PLXNB1: variants seen among roughly 807,000 people sequenced by gnomAD.
PLXNB1 encodes the protein plexin B1.
PLXNB1 carries 106 observed loss-of-function variants against 209.4 expected under a neutral mutation model. The observed-to-expected ratio is 0.51, with a 90% CI of 0.43 to 0.59. The LOEUF (loss-of-function observed/expected upper bound fraction) is 0.59, where lower values mean the gene tolerates loss of function less well. Ranked by LOEUF, PLXNB1 falls within the 20% of genes least tolerant of loss-of-function variation. The probability of loss-of-function intolerance (pLI) is 0.00; values close to 1 mark genes in which losing one functional copy is unlikely to be tolerated. For missense variants in PLXNB1, 2,357 were observed against 2,853.2 expected, an observed-to-expected ratio of 0.83 and a Z score of 3.96; for synonymous variants, 1,167 against 1,183.2, an observed-to-expected ratio of 0.99 and a Z score of 0.28.
At position 48,418,926 on chromosome 3, in the gene PLXNB1, C is replaced by T; in HGVS notation, c.2946G>A (p.Gln982=). The change falls in exon 13 of 38, where the codon CAG becomes CAA. Residue 982 remains glutamine (Q), a synonymous_variant. Coordinates refer to ENST00000296440, the MANE Select transcript of PLXNB1 (RefSeq NM_001130082.3). The surrounding 1 kb of genome is among the most constrained non-coding windows in gnomAD (Gnocchi z 6.6). ...PPDTQCHVTC[Q]QHQLSYEALQ... is the part of the protein sequence containing the mutation. ...CGCTCATGGTGTGCACCTGGTGCTG[C>T]TGGCAGGTGACATGGCACTGGGTAT... is the stretch of plus-strand genomic sequence containing the variant. 1 of 1,614,000 alleles carries T rather than the reference C, an allele frequency of 6.2e-7. No individual in the cohort carries two copies. The highest frequency in any genetic ancestry group is 8.5e-7 in the Non-Finnish European group (1 of 1,179,996).
rs774395327 is a variant in PLXNB1 at position 48,410,426 on chromosome 3, T to C, written c.5520+29A>G. 2 of 1,611,384 alleles carry C rather than the reference T, an allele frequency of 1.2e-6. No individual in the cohort carries two copies. The highest frequency in any genetic ancestry group is 1.7e-5 in the Admixed American group (1 of 59,998). ...TCCCTCCACCAGTCCCACCCCACCATGCCCTCCTCCAGCTCCCACTCCTCC... is the reference window on the plus strand; with the variant it reads ...TCCCTCCACCAGTCCCACCCCACCACGCCCTCCTCCAGCTCCCACTCCTCC... On this transcript the variant is annotated intron_variant, in intron 30 of 37. Coordinates refer to ENST00000296440, the MANE Select transcript of PLXNB1 (RefSeq NM_001130082.3). This position sits in a 1 kb window ranked among gnomAD's most constrained non-coding sequence, Gnocchi z 6.4.
Position 48,419,698 on chromosome 3 carries a change from A to G in PLXNB1, c.2588T>C (p.Phe863Ser), listed in dbSNP as rs149640079. Residue 863 changes from phenylalanine (F) to serine (S), a missense_variant, in exon 11 of 38, where the codon TTC becomes TCC. By Grantham distance (155) the Phe-to-Ser change is radical. This residue lies in a region of PLXNB1 where 410 missense variants were observed against 401.0 expected (regional missense o/e 1.02). Transcript: ENST00000296440. This position sits in a 1 kb window ranked among gnomAD's most constrained non-coding sequence, Gnocchi z 5.7. ...DEWTGGDAPA[F>S]STSTLLSGDG... ...ACCTGAGAGGAGGGTGGAAGTGGAG[A>G]AGGCGGGTGCGTCACCCCCCGTCCA... The G allele has an allele frequency of 1.9e-6, 3 of 1,612,200 alleles. No homozygotes were observed. In the African/African-American group the frequency reaches 4.0e-5, roughly 22 times the overall value.
Position 48,419,580 on chromosome 3 carries a change from C to T in PLXNB1, c.2706G>A (p.Glu902=), listed in dbSNP as rs534296474. 1.9e-6 allele frequency: 3 copies of T among 1,604,022 alleles called. No homozygotes were observed. Among genetic ancestry groups the T allele is most frequent in the African/African-American group, 1.3e-5 (1 of 74,872 alleles). ...DYQYDTPGLW[E]LEEATLGASS... is the part of the protein sequence containing the mutation. ...TCCTTCCTGGGCTGGGCCTCACCAG[C>T]TCCCAGAGCCCGGGGGTGTCATACT... Residue 902 remains glutamate, a synonymous_variant, in exon 11 of 38, where the codon GAG becomes GAA. Coordinates refer to ENST00000296440, the MANE Select transcript of PLXNB1 (RefSeq NM_001130082.3). The surrounding 1 kb of genome is among the most constrained non-coding windows in gnomAD (Gnocchi z 5.7).
chr3:48,409,371 G>A lies in PLXNB1; in HGVS notation c.6045C>T (p.Thr2015=), dbSNP rs2037512147. Residue 2015 remains threonine (T), a synonymous_variant, in exon 34 of 38, where the codon ACC becomes ACT. Coordinates refer to ENST00000296440, the MANE Select transcript of PLXNB1 (RefSeq NM_001130082.3). This position sits in a 1 kb window ranked among gnomAD's most constrained non-coding sequence, Gnocchi z 5.8. ...CGGCCAGGGTGCAGGCGTCCATGAA[G>A]GTCTGTGCAATGACAAGGAGCACCG... is the stretch of plus-strand genomic sequence containing the variant. ...MDAVLLVIAQ[T]FMDACTLADH... 1 of 1,614,028 alleles carries A rather than the reference G, an allele frequency of 6.2e-7. No homozygotes were observed. The highest frequency in any genetic ancestry group is 8.5e-7 in the Non-Finnish European group (1 of 1,180,050).
rs1034499682 is a variant in PLXNB1 at position 48,414,153 on chromosome 3, A to G, written c.4210-82T>C. ...CCCCAAATGTGGGAAGGACCCTGAG[A>G]CCCAGCCGCAGCAGCAAAGCTGACA... On this transcript the variant is annotated intron_variant, in intron 21 of 37. Transcript: ENST00000296440. 5 of 1,373,098 alleles carry G rather than the reference A, an allele frequency of 3.6e-6. No homozygotes were observed. In the African/African-American group the frequency reaches 7.1e-5, roughly 19 times the overall value. The allele number at this position is 1,373,098 out of a possible 1,614,324, so 85.1% of individuals were successfully genotyped here. A position where few individuals can be genotyped will look rare whatever the true frequency, so the allele number is the denominator to read the frequency against.
intron 1 of PLXNB1, among the ~76,000 whole-genome samples, chr3:48,426,609 G>A (rs1426567213): frequency 6.6e-6 from 1 of 152,240 alleles, no homozygotes; most frequent in Non-Finnish European, 1.5e-5. Flanking sequence ...CAGCAGCCTG[G>A]TGGAAGCCGG....
In PLXNB1 at chr3:48,410,781, A is replaced by C. The variant is rs1575382544; in HGVS notation, c.5416+87T>G. The C allele has an allele frequency of 2.2e-5, 29 of 1,321,898 alleles. No homozygotes were observed. The East Asian group carries it at 7.3e-4, about 33-fold the overall frequency. 81.9% of individuals were successfully genotyped at this position (1,321,898 alleles called of 1,614,324 possible). A position where few individuals can be genotyped will look rare whatever the true frequency, so the allele number is the denominator to read the frequency against. On this transcript the variant is annotated intron_variant, in intron 29 of 37. Coordinates refer to ENST00000296440, the MANE Select transcript of PLXNB1 (RefSeq NM_001130082.3). The surrounding 1 kb of genome is among the most constrained non-coding windows in gnomAD (Gnocchi z 6.4). The stretch of plus-strand genomic sequence containing the variant: ...GCCTCCCAGCATCCTCCCCACCCTG[A>C]GTGATGAGTTGTCCCTGCAGAGTTG...
rs1339002170 is a variant in PLXNB1 at position 48,414,080 on chromosome 3, G to C, written c.4210-9C>G. ...AGGTCCAGGTTCTCCCCCTGGAACA[G>C]AGGGTCACCGATCAGTCACTCAGGA... On this transcript the variant is annotated splice_polypyrimidine_tract_variant and intron_variant, in intron 21 of 37. Coordinates refer to ENST00000296440, the MANE Select transcript of PLXNB1 (RefSeq NM_001130082.3). 6.2e-7 allele frequency: 1 copy of C among 1,613,400 alleles called. No individual in the cohort carries two copies. The highest frequency in any genetic ancestry group is 1.1e-5 in the South Asian group (1 of 91,066).
rs759464610 is a variant in PLXNB1, at chr3:48,410,550, A to G, written c.5425T>C (p.Ser1809Pro). 1.2e-6 allele frequency: 2 copies of G among 1,612,536 alleles called. No individual in the cohort carries two copies. Among genetic ancestry groups the G allele is most frequent in the Admixed American group, 1.7e-5 (1 of 60,006 alleles). Residue 1809 changes from serine (S) to proline (P), a missense_variant, in exon 30 of 38, where the codon TCT (serine) becomes CCT (proline). By Grantham distance (74) the Ser-to-Pro change is moderately conservative. Coordinates refer to ENST00000296440, the MANE Select transcript of PLXNB1 (RefSeq NM_001130082.3). This position sits in a 1 kb window ranked among gnomAD's most constrained non-coding sequence, Gnocchi z 6.4. ...AGAATGAGGTGCCCGGCCACCCCAG[A>G]CCGCCACTCTGCAAGGGCAAGGCAG... The part of the protein sequence containing the change: ...DPRTLDVEWR[S>P]GVAGHLILSD...
rs1388800186 is a variant in PLXNB1, at chr3:48,409,270, G to A, written c.6087+59C>T. 1.3e-6 allele frequency: 2 copies of A among 1,581,648 alleles called. No homozygotes were observed. The highest frequency in any genetic ancestry group is 1.7e-6 in the Non-Finnish European group (2 of 1,160,116). ...TCTCAGAAAAGCCTGGAATCTGAGT[G>A]CACACACAGCACTGTCCACCCTCAC... On this transcript the variant is annotated intron_variant, in intron 34 of 37. Coordinates refer to ENST00000296440, the MANE Select transcript of PLXNB1 (RefSeq NM_001130082.3). The surrounding 1 kb of genome is among the most constrained non-coding windows in gnomAD (Gnocchi z 5.8).
Position 48,412,377 on chromosome 3 carries a change from C to T in PLXNB1, c.5033+65G>A, listed in dbSNP as rs565102493. On this transcript the variant is annotated intron_variant, in intron 26 of 37. Coordinates refer to ENST00000296440, the MANE Select transcript of PLXNB1 (RefSeq NM_001130082.3). The stretch of plus-strand genomic sequence containing the variant: ...GGGCCTCTCTATCCTGCAGACCCCC[C>T]AGCCCGAGGCCCCACCCCAGCTCCA... 3.7e-5 allele frequency: 60 copies of T among 1,611,004 alleles called. No individual in the cohort carries two copies. The African/African-American group carries it at 7.2e-4, about 19-fold the overall frequency.
intron 2 of PLXNB1, 36 bp from the exon 3 acceptor site, chr3:48,424,653 G>A (rs371476381): frequency 9.2e-6 from 14 of 1,523,218 alleles, no homozygotes; most frequent in Admixed American, 2.0e-5. Flanking sequence ...TGGGGCTCAC[G>A]TGGCCGCCAG....
In PLXNB1 at chr3:48,416,361, G is replaced by A. The variant is rs751648829; in HGVS notation, c.3465C>T (p.His1155=). ...AGTCAGGTACCTGGTAGGCAAAGTC[G>A]TGTTCTGAGACACCACGTCCTCTTC... ...VPGRGRGVSE[H]DFAYQDPKVH... The change falls in exon 17 of 38, where the codon CAC becomes CAT. Residue 1155 remains histidine (H), a synonymous_variant. Coordinates refer to ENST00000296440, the MANE Select transcript of PLXNB1 (RefSeq NM_001130082.3). This position sits in a 1 kb window ranked among gnomAD's most constrained non-coding sequence, Gnocchi z 4.1. The A allele has an allele frequency of 1.3e-5, 21 of 1,611,960 alleles. No individual in the cohort carries two copies. The highest frequency in any genetic ancestry group is 7.7e-5 in the South Asian group (7 of 90,984).
intron 21 of PLXNB1, 73 bp downstream of exon 21, chr3:48,414,726 C>T (rs957463592): frequency 7.1e-6 from 11 of 1,551,518 alleles, no homozygotes; most frequent in Non-Finnish European, 8.7e-6. Flanking sequence ...TCGGCCTCTC[C>T]GCCACACACA....
chr3:48,415,227 G>C lies in PLXNB1; in HGVS notation c.3915C>G (p.Arg1305=), dbSNP rs776160061. 4 of 1,613,332 alleles carry C rather than the reference G, an allele frequency of 2.5e-6. No individual in the cohort carries two copies. In the African/African-American group the frequency reaches 5.3e-5, roughly 22 times the overall value. The change falls in exon 20 of 38, where the codon CGC becomes CGG. Residue 1305 remains arginine (R), a synonymous_variant. Transcript: ENST00000296440. The surrounding 1 kb of genome is among the most constrained non-coding windows in gnomAD (Gnocchi z 5.0). ...GGGAACATGCCGTCTCCGGGACCAC[G>C]CGACGCCTCCGTCCAAGCCCCTGGC... ...QPSQGLGRRR[R]VVPETACSLG... is the part of the protein sequence containing the mutation.
intron 21 of PLXNB1, 50 bp downstream of exon 21, chr3:48,414,749 A>C (rs779339827): frequency 2.5e-5 from 40 of 1,591,826 alleles, no homozygotes; most frequent in Non-Finnish European, 3.3e-5. Context: ...AGTGCTGTCC[A>C]GCCAAGGGAA....
rs1433214671 is a variant in PLXNB1, at chr3:48,423,062, C to T, written c.1108-115G>A. 11 of 883,630 alleles carry T rather than the reference C, an allele frequency of 1.2e-5. No homozygotes were observed. The Admixed American group carries it at 1.3e-4, about 10-fold the overall frequency. The allele number at this position is 883,630 out of a possible 1,614,324, so 54.7% of individuals were successfully genotyped here. On this transcript the variant is annotated intron_variant, in intron 3 of 37. Coordinates refer to ENST00000296440, the MANE Select transcript of PLXNB1 (RefSeq NM_001130082.3). ...CGCTCTGGTAGCTCTCCCTGTACAA[C>T]TGTGTTTTCTCTGCTGGCCCTCCTG...
In PLXNB1 at chr3:48,422,934, G is replaced by A. The variant is rs990594315; in HGVS notation, c.1121C>T (p.Ala374Val). 2 of 1,613,666 alleles carry A rather than the reference G, an allele frequency of 1.2e-6. No individual in the cohort carries two copies. Among genetic ancestry groups the A allele is most frequent in the Non-Finnish European group, 1.7e-6 (2 of 1,179,826 alleles). The stretch of plus-strand genomic sequence containing the variant: ...CGTGTGGTCTGAGCCACAGGGATAA[G>A]CATCCAGGGTGTCCTATAGGCAGCA... ...CAQLPVDTLDAYPCGSDHTPS... is the reference protein window; with the variant it reads ...CAQLPVDTLDVYPCGSDHTPS... Residue 374 changes from alanine to valine, a missense_variant, in exon 4 of 38, where the codon GCT becomes GTT. Transcript: ENST00000296440.
intron 37 of PLXNB1, 45 bp from the exon 38 acceptor site, chr3:48,404,635 C>T (rs750889158): frequency 9.5e-6 from 13 of 1,367,230 alleles, no homozygotes; most frequent in South Asian, 6.2e-5. Flanking sequence ...CTTTGGCCAA[C>T]GTGTTTGCTG....
Sources: allele counts gnomAD v4.1 joint callset (sites outside exome capture counted in the v4.1 genomes callset), GRCh38; gene constraint gnomAD v4.1.1; regional missense constraint gnomAD v4.1.1; non-coding constraint Gnocchi (gnomAD v3.1); transcripts MANE v1.5; gene names NCBI Gene and HGNC (gene_info 2026-07-23, HGNC 2026-07-21).